LRIG2: variants seen among roughly 807,000 people sequenced by gnomAD.
LRIG2 encodes the protein leucine rich repeats and immunoglobulin like domains 2.
LRIG2 carries 93 observed loss-of-function variants against 107.8 expected under a neutral mutation model. That is an observed-to-expected ratio of 0.86 (90% CI 0.73 to 1.03). The LOEUF is 1.03. Among genes scored for constraint, LRIG2 ranks in the 50% least tolerant of loss-of-function variants. The probability of loss-of-function intolerance (pLI) is 0.00; values close to 1 mark genes in which losing one functional copy is unlikely to be tolerated. For synonymous variants in LRIG2, 471 were observed against 470.6 expected, an observed-to-expected ratio of 1.00 and a Z score of -0.01; for missense variants, 1,226 against 1,296.0, an observed-to-expected ratio of 0.95 and a Z score of 0.83.
At chr1:113,090,751 T>C (rs1298292843) in intron 1 of LRIG2, among the ~76,000 whole-genome samples, 1 of 151,116 alleles carries the variant, frequency 6.6e-6, no homozygotes. Context: ...GGCAGGAGAA[T>C]GGCGTGAACC....
intron 16 of LRIG2, among the ~76,000 whole-genome samples, chr1:113,117,535 G>A (rs747263494): frequency 3.8e-4 from 58 of 152,158 alleles, no homozygotes; most frequent in Non-Finnish European, 7.3e-5. Context: ...CCAGGCTGGA[G>A]TGCAGTGGCA....
intron 17 of LRIG2, among the ~76,000 whole-genome samples, chr1:113,122,393 G>T (rs1655302217): frequency 6.6e-6 from 1 of 151,908 alleles, no homozygotes; most frequent in Admixed American, 6.6e-5. Context: ...AGCCTCTATT[G>T]TTCTTAAGAG....
At chr1:113,098,182 G>A (rs1288009352) in intron 8 of LRIG2, among the ~76,000 whole-genome samples, 1 of 152,086 alleles carries the variant, frequency 6.6e-6, no homozygotes, top group East Asian at 1.9e-4. Flanking sequence ...CTAACACATG[G>A]GTTTATCATT....
intron 1 of LRIG2, among the ~76,000 whole-genome samples, chr1:113,081,143 A>G (rs1206256492): frequency 6.6e-6 from 1 of 152,082 alleles, no homozygotes; most frequent in African/African-American, 2.4e-5. Flanking sequence ...GCCTGGCCCA[A>G]AAAGTTATTA....
At chr1:113,114,946 A>G (rs552006674) in intron 15 of LRIG2, 70 bp downstream of exon 15, 7 of 1,311,534 alleles carry the variant, frequency 5.3e-6, no homozygotes, top group East Asian at 4.6e-5. Flanking sequence ...TTAATTGTAC[A>G]ATATAAAAAA....
intron 11 of LRIG2, among the ~76,000 whole-genome samples, chr1:113,101,037 G>A (rs1266217998): frequency 1.3e-5 from 2 of 152,052 alleles, no homozygotes; most frequent in African/African-American, 4.8e-5. Context: ...TAGGGGATTG[G>A]AGGTTAGTTG....
chr1:113,110,538 CAGAA>C lies in LRIG2; in HGVS notation c.1777_1780del (p.Lys593ProfsTer3), dbSNP rs776147266. The C allele has an allele frequency of 9.3e-6, 15 of 1,608,450 alleles. No homozygotes were observed. Among genetic ancestry groups the C allele is most frequent in the Non-Finnish European group, 1.0e-5 (12 of 1,175,478 alleles). On this transcript the variant is annotated frameshift_variant, in exon 13 of 18. Coordinates refer to ENST00000361127, the MANE Select transcript of LRIG2 (RefSeq NM_014813.3). LOFTEE classifies it high-confidence loss of function. ...TAATCACTTTGGTTCTAATTATTCT[CAGAA>C]AGCCAAACTGACTGTAAATGGTAAG...
chr1:113,080,568 C>G (rs781297461), intron 1 of LRIG2, among the ~76,000 whole-genome samples: 1 of 151,642 alleles, frequency 6.6e-6, no homozygotes, highest in South Asian at 2.1e-4. Context: ...TTCAGTAGGA[C>G]GTGGTTTCAC....
At chr1:113,116,625 G>T (rs1382932611) in intron 16 of LRIG2, among the ~76,000 whole-genome samples, 189 bp downstream of exon 16, 1 of 152,218 alleles carries the variant, frequency 6.6e-6, no homozygotes, top group South Asian at 2.1e-4. Context: ...ATCTTACAGA[G>T]TGGAGAAACA....
chr1:113,095,029 C>T (rs1653994536), intron 6 of LRIG2, among the ~76,000 whole-genome samples: 1 of 150,138 alleles, frequency 6.7e-6, no homozygotes, highest in South Asian at 2.1e-4. Flanking sequence ...GGCTGGAGTG[C>T]AATGGCGTGA....
intron 6 of LRIG2, 59 bp downstream of exon 6, chr1:113,094,814 T>C: frequency 6.5e-7 from 1 of 1,528,616 alleles, no homozygotes; most frequent in South Asian, 1.2e-5. Flanking sequence ...GACTTTTCAG[T>C]GTCGAATGGC....
Position 113,073,431 on chromosome 1 carries a change from C to A in LRIG2, c.25C>A (p.Pro9Thr), listed in dbSNP as rs1426171074. 1.2e-6 allele frequency: 2 copies of A among 1,613,950 alleles called. No individual in the cohort carries two copies. Among genetic ancestry groups the A allele is most frequent in the African/African-American group, 1.3e-5 (1 of 74,934 alleles). Residue 9 changes from proline (P) to threonine (T), a missense_variant, in exon 1 of 18, where the codon CCG (proline) becomes ACG (threonine). This residue lies in a region of LRIG2 where 570 missense variants were observed against 550.2 expected (regional missense o/e 1.04). Coordinates refer to ENST00000361127, the MANE Select transcript of LRIG2 (RefSeq NM_014813.3). ...AATGGCGCCGGCGCCCCTAGGCGTC[C>A]CGGAGGAGCAGTTGCTGGGGTGTCG... MAPAPLGV[P>T]EEQLLGCRSR...
intron 1 of LRIG2, among the ~76,000 whole-genome samples, chr1:113,077,849 T>A (rs2101012657): frequency 6.6e-6 from 1 of 151,348 alleles, no homozygotes; most frequent in South Asian, 2.1e-4. Context: ...ACTCATCATT[T>A]ACATTAGGTA....
At chr1:113,074,899 C>G (rs1181636005) in intron 1 of LRIG2, among the ~76,000 whole-genome samples, 8 of 104,634 alleles carry the variant, frequency 7.6e-5, no homozygotes, top group African/African-American at 2.9e-4. Flanking sequence ...CAGAGCGAGA[C>G]TCCGTCTGGG....
chr1:113,098,209 C>T (rs910793425), intron 8 of LRIG2, among the ~76,000 whole-genome samples: 1 of 152,100 alleles, frequency 6.6e-6, no homozygotes, highest in African/African-American at 2.4e-5. Flanking sequence ...TCCCATGGGG[C>T]ATCTTTAATT....
intron 17 of LRIG2, among the ~76,000 whole-genome samples, chr1:113,121,766 G>A (rs1655267450): frequency 6.6e-6 from 1 of 151,922 alleles, no homozygotes; most frequent in African/African-American, 2.4e-5. Context: ...GACAGGGTAG[G>A]AGGTGAGAAC....
At chr1:113,118,387 C>T (rs901558682) in intron 16 of LRIG2, among the ~76,000 whole-genome samples, 9 of 152,208 alleles carry the variant, frequency 5.9e-5, no homozygotes, top group Admixed American at 2.0e-4. Flanking sequence ...AGAAGCTTTC[C>T]CTAGGGATGC....
intron 12 of LRIG2, among the ~76,000 whole-genome samples, chr1:113,109,101 T>C (rs144942754): frequency 6.6e-6 from 1 of 152,276 alleles, no homozygotes; most frequent in Non-Finnish European, 1.5e-5. Context: ...TTTTACAAAG[T>C]TTAAAGAAGA....
rs765282298 is a variant in LRIG2, at chr1:113,093,507, C to CA, written c.461dup (p.Asn154LysfsTer17). 6.2e-7 allele frequency: 1 copy of CA among 1,609,314 alleles called. No homozygotes were observed. The highest frequency in any genetic ancestry group is 1.1e-5 in the South Asian group (1 of 91,018). On this transcript the variant is annotated frameshift_variant, in exon 4 of 18. Transcript: ENST00000361127. LOFTEE classifies it high-confidence loss of function. ...GCTCTGGAGAGTTTAGACCTCAGCT[C>CA]AAATATAATATCAGAAATCAAGACA...
Sources: allele counts gnomAD v4.1 joint callset (sites outside exome capture counted in the v4.1 genomes callset), GRCh38; gene constraint gnomAD v4.1.1; regional missense constraint gnomAD v4.1.1; transcripts MANE v1.5; gene names NCBI Gene and HGNC (gene_info 2026-07-23, HGNC 2026-07-21).